Variants in MARCHF5 observed in about 807,000 individuals in gnomAD.
MARCHF5 encodes the protein E3 ubiquitin-protein ligase MARCHF5.
A neutral mutation model predicts 36.5 loss-of-function variants in MARCHF5; 5 were observed. The observed-to-expected ratio is 0.14, with a 90% CI of 0.07 to 0.29. The LOEUF is 0.29. MARCHF5 is among the 10% of genes least tolerant of loss of function. The pLI is 1.00. For missense variants in MARCHF5, 179 were observed against 336.3 expected (o/e 0.53, Z 3.66); for synonymous variants, 103 against 109.9 (o/e 0.94, Z 0.39).
chr10:92,324,850 A>G (rs1364948114), intron 2 of MARCHF5, among the ~76,000 whole-genome samples: 1 of 151,962 alleles, frequency 6.6e-6, no homozygotes. Context: ...ATCAGAGAGC[A>G]TACTCTGTCT....
intron 2 of MARCHF5, among the ~76,000 whole-genome samples, chr10:92,314,666 C>T (rs183271618): frequency 2.1e-4 from 31 of 150,914 alleles, no homozygotes; most frequent in African/African-American, 6.8e-4. Context: ...AAAAGTATAT[C>T]CTTCATTTGA....
At chr10:92,336,279 C>T (rs1843501041) in intron 2 of MARCHF5, among the ~76,000 whole-genome samples, 1 of 152,198 alleles carries the variant, frequency 6.6e-6, no homozygotes, top group African/African-American at 2.4e-5. Flanking sequence ...TCAGGTGATC[C>T]GCCCACCTTG....
intron 1 of MARCHF5, among the ~76,000 whole-genome samples, chr10:92,304,163 G>A (rs753917202): frequency 5.9e-5 from 9 of 152,188 alleles, no homozygotes; most frequent in African/African-American, 1.4e-4. Flanking sequence ...GAATGCCAGG[G>A]TGCCAAGTAG....
chr10:92,305,278 G>A (rs1288930745), intron 1 of MARCHF5, among the ~76,000 whole-genome samples: 2 of 152,070 alleles, frequency 1.3e-5, no homozygotes, highest in East Asian at 3.9e-4. Context: ...GTGGTGGCAC[G>A]TGCCTGTAGT....
intron 1 of MARCHF5, among the ~76,000 whole-genome samples, chr10:92,302,240 G>A (rs559312029): frequency 1.3e-5 from 2 of 152,134 alleles, no homozygotes; most frequent in African/African-American, 4.8e-5. Flanking sequence ...AGGGCTGACT[G>A]TATTCTCACC....
At chr10:92,315,089 TTTCAA>T (rs1843193721) in intron 2 of MARCHF5, among the ~76,000 whole-genome samples, 1 of 152,200 alleles carries the variant, frequency 6.6e-6, no homozygotes, top group African/African-American at 2.4e-5. Context: ...CAGCACAACT[TTTCAA>T]TTCAAGTTTC....
intron 1 of MARCHF5, among the ~76,000 whole-genome samples, chr10:92,309,831 T>G (rs1218793980): frequency 2.6e-5 from 4 of 151,972 alleles, no homozygotes; most frequent in African/African-American, 4.8e-5. Context: ...GACGATAAAA[T>G]TTTTTAAAAA....
rs74151604 is a variant in MARCHF5, at chr10:92,332,315, G to A, written c.239-8358G>A. 5.5e-3 allele frequency among the ~76,000 whole-genome samples: 836 copies of A among 151,976 alleles called. 9 individuals are homozygous for A. Among genetic ancestry groups the A allele is most frequent in the African/African-American group, 0.019 (794 of 41,454 alleles). ...GTTATTAAGCAAAGTAACTTACAGC[G>A]TAAGTTTGCAGGATGTTTGTTCTTA... On this transcript the variant is annotated intron_variant, in intron 2 of 5. Transcript: ENST00000358935.
chr10:92,301,039 T>A (rs1209787909), intron 1 of MARCHF5, among the ~76,000 whole-genome samples: 1 of 151,894 alleles, frequency 6.6e-6, no homozygotes, highest in Non-Finnish European at 1.5e-5. Context: ...GTGTGTGCCA[T>A]CATGCTCAGC....
At chr10:92,308,790 C>T (rs1231934277) in intron 1 of MARCHF5, among the ~76,000 whole-genome samples, 8 of 151,624 alleles carry the variant, frequency 5.3e-5, no homozygotes, top group Admixed American at 2.0e-4. Flanking sequence ...CTGCAAGCTC[C>T]GCCTCCCGGG....
At chr10:92,319,249 A>G (rs556894522) in intron 2 of MARCHF5, among the ~76,000 whole-genome samples, 1 of 152,326 alleles carries the variant, frequency 6.6e-6, no homozygotes, top group South Asian at 2.1e-4. Flanking sequence ...TACAGTACAT[A>G]ATGCTTGGTA....
intron 1 of MARCHF5, among the ~76,000 whole-genome samples, chr10:92,298,368 A>G (rs1473498221): frequency 6.6e-6 from 1 of 152,178 alleles, no homozygotes; most frequent in Non-Finnish European, 1.5e-5. Flanking sequence ...TTATTCAAAC[A>G]ACTCCCAGAT....
intron 1 of MARCHF5, among the ~76,000 whole-genome samples, chr10:92,306,743 G>A (rs566785911): frequency 1.3e-5 from 2 of 152,332 alleles, no homozygotes; most frequent in East Asian, 3.9e-4. Flanking sequence ...GGCAGGCGCA[G>A]TGGCTCATGA....
intron 1 of MARCHF5, among the ~76,000 whole-genome samples, chr10:92,300,957 A>G (rs1312473146): frequency 3.4e-5 from 5 of 149,236 alleles, no homozygotes; most frequent in South Asian, 2.1e-4. Flanking sequence ...CAGTAGTGCA[A>G]CCTTGGCTCA....
At chr10:92,340,231 A>G (rs1843563583) in intron 2 of MARCHF5, among the ~76,000 whole-genome samples, 1 of 152,232 alleles carries the variant, frequency 6.6e-6, no homozygotes, top group Admixed American at 6.5e-5. Flanking sequence ...AGAAGTAACT[A>G]TATTTGAGAC....
intron 2 of MARCHF5, among the ~76,000 whole-genome samples, chr10:92,321,198 T>C (rs1366120025): frequency 6.6e-6 from 1 of 152,062 alleles, no homozygotes; most frequent in Non-Finnish European, 1.5e-5. Context: ...CATTTATCCC[T>C]GTGTGTGGAT....
intron 5 of MARCHF5, 182 bp downstream of exon 5, chr10:92,350,019 A>G (rs1843698429): frequency 3.5e-6 from 2 of 573,482 alleles, no homozygotes; most frequent in African/African-American, 3.8e-5. Context: ...CCACTGCAGC[A>G]GTTCTGGCCT....
chr10:92,326,699 T>G (rs1036312843), intron 2 of MARCHF5, among the ~76,000 whole-genome samples: 1 of 152,038 alleles, frequency 6.6e-6, no homozygotes, highest in East Asian at 1.9e-4. Context: ...CTCTTTTCTT[T>G]CTTGATATTT....
At chr10:92,341,780 CTTTTTTTTTTTT>C (rs71025395) in intron 3 of MARCHF5, among the ~76,000 whole-genome samples, 2 of 77,392 alleles carry the variant, frequency 2.6e-5, no homozygotes, top group Non-Finnish European at 4.9e-5. Context: ...AGTTTACATC[CTTTTTTTTTTTT>C]TTTTTTTTTT....
Sources: allele counts gnomAD v4.1 joint callset (sites outside exome capture counted in the v4.1 genomes callset), GRCh38; gene constraint gnomAD v4.1.1; transcripts MANE v1.5; gene names NCBI Gene and HGNC (gene_info 2026-07-23, HGNC 2026-07-21).